EP400: variants seen among roughly 807,000 people sequenced by gnomAD.
EP400 encodes E1A-binding protein p400.
Under a neutral mutation model 354.1 loss-of-function variants are expected in EP400, and 105 were observed. The observed-to-expected ratio is 0.30, with a 90% CI of 0.25 to 0.35. EP400 has a LOEUF of 0.35. Among genes scored for constraint, EP400 ranks in the 10% least tolerant of loss-of-function variants. The pLI is 1.00. For synonymous variants in EP400, 1,646 were observed against 1,716.9 expected (o/e 0.96, Z 1.02); for missense variants, 3,280 against 4,121.0 (o/e 0.80, Z 5.59).
chr12:131,981,806 C>T (rs1011498982), intron 4 of EP400, among the ~76,000 whole-genome samples: 2 of 152,224 alleles, frequency 1.3e-5, no homozygotes, highest in African/African-American at 4.8e-5. Flanking sequence ...AGCCACACGT[C>T]GCATTGTCAT....
At chr12:131,984,433 G>T (rs1015579983) in intron 5 of EP400, among the ~76,000 whole-genome samples, 3 of 152,098 alleles carry the variant, frequency 2.0e-5, no homozygotes, top group Non-Finnish European at 4.4e-5. Context: ...CCAGCAACTG[G>T]GGGGGCTGTA....
chr12:132,071,285 C>T (rs114260137), intron 51 of EP400, among the ~76,000 whole-genome samples: 2,062 of 152,106 alleles, frequency 0.014, 53 homozygotes, highest in African/African-American at 0.047. Flanking sequence ...TGTCTCGGTG[C>T]GAATGATACC....
Position 131,994,627 on chromosome 12 carries a change from C to T in EP400, c.2738-240C>T, listed in dbSNP as rs1293856385. ...GGTTGACAGCATTCCGTATGTTGGCCTGAAGAAGGTCTGCCATGTGTGGAA... is the reference window on the plus strand; with the variant it reads ...GGTTGACAGCATTCCGTATGTTGGCTTGAAGAAGGTCTGCCATGTGTGGAA... On this transcript the variant is annotated intron_variant, in intron 11 of 52. Transcript: ENST00000389561. This position sits in a 1 kb window ranked among gnomAD's most constrained non-coding sequence, Gnocchi z 4.6. Among the ~76,000 whole-genome samples, 2 of 152,130 alleles carry T rather than the reference C, an allele frequency of 1.3e-5. No individual in the cohort carries two copies. Among genetic ancestry groups the T allele is most frequent in the African/African-American group, 4.8e-5 (2 of 41,432 alleles).
chr12:132,062,971 C>T (rs771946555), intron 47 of EP400, among the ~76,000 whole-genome samples: 5 of 152,316 alleles, frequency 3.3e-5, no homozygotes, highest in African/African-American at 1.2e-4. Flanking sequence ...CTTGCTTAGG[C>T]GTCTTGTGCC....
At chr12:132,043,511 T>G in intron 33 of EP400, 49 bp downstream of exon 33, 1 of 1,594,760 alleles carries the variant, frequency 6.3e-7, no homozygotes. Flanking sequence ...AATTTGACGC[T>G]TCTATAAAAT....
At position 132,013,749 on chromosome 12, in the gene EP400, GA is replaced by G; in HGVS notation, c.3787-24del. On this transcript the variant is annotated intron_variant, in intron 18 of 52. Transcript: ENST00000389561. The surrounding 1 kb of genome is among the most constrained non-coding windows in gnomAD (Gnocchi z 4.5). Reference sequence around the variant, plus strand: ...CGTGTTACAGCAGCATTTTTGGAAAGAAAACAGTAAACAGTTTTTATTTTCA... The same window carrying G: ...CGTGTTACAGCAGCATTTTTGGAAAGAAACAGTAAACAGTTTTTATTTTCA... The G allele has an allele frequency of 6.2e-7, 1 of 1,611,076 alleles. No individual in the cohort carries two copies. The highest frequency in any genetic ancestry group is 8.5e-7 in the Non-Finnish European group (1 of 1,178,706).
rs185510720 is a variant in EP400, at chr12:132,013,874, G to T, written c.3884G>T (p.Arg1295Leu). 1 of 1,614,192 alleles carries T rather than the reference G, an allele frequency of 6.2e-7. No individual in the cohort carries two copies. The highest frequency in any genetic ancestry group is 2.2e-5 in the East Asian group (1 of 44,886). The part of the protein sequence containing the change: ...EHVLKCRLSN[R>L]QKALYEDVIL... Reference sequence around the variant, plus strand: ...GTTTTGAAGTGTCGCCTTTCTAACCGACAAAAAGCCTTATACGAGGACGTT... The same window carrying T: ...GTTTTGAAGTGTCGCCTTTCTAACCTACAAAAAGCCTTATACGAGGACGTT... Residue 1295 changes from arginine to leucine, a missense_variant, in exon 19 of 53, where the codon CGA (arginine) becomes CTA (leucine). Physicochemically the swap from Arg to Leu is moderately radical, Grantham distance 102. Coordinates refer to ENST00000389561, the MANE Select transcript of EP400 (RefSeq NM_015409.5). The surrounding 1 kb of genome is among the most constrained non-coding windows in gnomAD (Gnocchi z 4.5).
chr12:132,053,244 C>T lies in EP400; in HGVS notation c.7473+20C>T, dbSNP rs1187230819. On this transcript the variant is annotated intron_variant, in intron 42 of 52. Coordinates refer to ENST00000389561, the MANE Select transcript of EP400 (RefSeq NM_015409.5). Reference sequence around the variant, plus strand: ...AAAAAGGTCAGCGCCCTGGGCCCTTCTGCTTGAGTGGGAAAATGTGGTGAC... The same window carrying T: ...AAAAAGGTCAGCGCCCTGGGCCCTTTTGCTTGAGTGGGAAAATGTGGTGAC... 2 of 1,612,938 alleles carry T rather than the reference C, an allele frequency of 1.2e-6. No homozygotes were observed. The highest frequency in any genetic ancestry group is 1.7e-6 in the Non-Finnish European group (2 of 1,179,958).
Position 132,053,350 on chromosome 12 carries a change from C to T in EP400, c.7481C>T (p.Ala2494Val), listed in dbSNP as rs754366046. 6.3e-7 allele frequency: 1 copy of T among 1,582,314 alleles called. No homozygotes were observed. The highest frequency in any genetic ancestry group is 1.7e-5 in the Admixed American group (1 of 58,612). ...ERIAKEKKAL[A>V]DQQKAQQPAV... ...TCCTTCCTGGCCCCTCAGGCTCTGG[C>T]TGATCAGCAGAAGGCACAGCAGCCG... is the stretch of plus-strand genomic sequence containing the variant. Residue 2494 changes from alanine (A) to valine (V), a missense_variant, in exon 43 of 53, where the codon GCT (alanine) becomes GTT (valine). Around this residue, in one of 20 missense-constraint regions of EP400, gnomAD observed 29 missense variants for 86.0 expected, o/e 0.34. Coordinates refer to ENST00000389561, the MANE Select transcript of EP400 (RefSeq NM_015409.5).
chr12:131,983,071 A>G (rs1892736851), intron 5 of EP400, among the ~76,000 whole-genome samples: 1 of 152,114 alleles, frequency 6.6e-6, no homozygotes, highest in Admixed American at 6.5e-5. Flanking sequence ...TGTGAAGGGC[A>G]TGGTGTCAGT....
In EP400 at chr12:131,982,400, G is replaced by C. The variant is rs201892255; in HGVS notation, c.1851G>C (p.Gln617His). The stretch of plus-strand genomic sequence containing the variant: ...GCCAACTCCCCATCCCTCCCTCGCA[G>C]CCTGCACAGCTGGCCCTCCACGTTC... ...PSSQLPIPPS[Q>H]PAQLALHVPT... is the part of the protein sequence containing the mutation. The change falls in exon 5 of 53, where the codon CAG becomes CAC. Residue 617 changes from glutamine to histidine, a missense_variant. Physicochemically the swap from Gln to His is conservative, Grantham distance 24. Around this residue, in one of 20 missense-constraint regions of EP400, gnomAD observed 800 missense variants for 840.0 expected, o/e 0.95. Coordinates refer to ENST00000389561, the MANE Select transcript of EP400 (RefSeq NM_015409.5). 6.2e-7 allele frequency: 1 copy of C among 1,614,126 alleles called. No individual in the cohort carries two copies. The highest frequency in any genetic ancestry group is 2.2e-5 in the East Asian group (1 of 44,868).
chr12:131,987,896 T>A lies in EP400; in HGVS notation c.2409+6T>A, dbSNP rs773802652. The A allele has an allele frequency of 3.8e-6, 6 of 1,599,958 alleles. No individual in the cohort carries two copies. The highest frequency in any genetic ancestry group is 5.1e-6 in the Non-Finnish European group (6 of 1,172,340). On this transcript the variant is annotated splice_donor_region_variant and intron_variant, in intron 7 of 52. Transcript: ENST00000389561. The stretch of plus-strand genomic sequence containing the variant: ...AGGTGGCTGCTGCGAAGAAGGTGGG[T>A]TGGAATGCGTGGAGCTGCTGTGCTG...
At position 132,028,297 on chromosome 12, in the gene EP400, G is replaced by C. The variant is rs375603340; in HGVS notation, c.5381+9G>C. 10 of 1,606,594 alleles carry C rather than the reference G, an allele frequency of 6.2e-6. No individual in the cohort carries two copies. The African/African-American group carries it at 1.3e-4, about 21-fold the overall frequency. On this transcript the variant is annotated intron_variant, in intron 27 of 52. Transcript: ENST00000389561. ...CAGGATGTTATTGACAGGTACTGCA[G>C]ACCTCGTGACCTTTTCGGTGCTCTC...
At chr12:132,002,055 G>A (rs1281400122) in intron 12 of EP400, among the ~76,000 whole-genome samples, 1 of 152,136 alleles carries the variant, frequency 6.6e-6, no homozygotes, top group Non-Finnish European at 1.5e-5. Flanking sequence ...GTTACTTTAG[G>A]CCTGACAGTG....
chr12:131,956,170 A>T (rs1054697765), intron 1 of EP400, among the ~76,000 whole-genome samples: 1 of 152,146 alleles, frequency 6.6e-6, no homozygotes, highest in African/African-American at 2.4e-5. Context: ...GTTACTTGGC[A>T]TCTTGCACCT....
At chr12:132,024,793 G>T (rs1435323521) in intron 24 of EP400, among the ~76,000 whole-genome samples, 1 of 150,424 alleles carries the variant, frequency 6.6e-6, no homozygotes, top group Non-Finnish European at 1.5e-5. Flanking sequence ...AGCCTCAGCG[G>T]CTGCCTCCCC....
intron 45 of EP400, among the ~76,000 whole-genome samples, chr12:132,059,203 G>A (rs1221315874): frequency 6.6e-6 from 1 of 152,164 alleles, no homozygotes; most frequent in Non-Finnish European, 1.5e-5. Flanking sequence ...GTCCAAGGCT[G>A]GGCCAAGGTG....
intron 15 of EP400, among the ~76,000 whole-genome samples, chr12:132,009,392 C>T (rs919049245): frequency 6.6e-6 from 1 of 152,104 alleles, no homozygotes; most frequent in Non-Finnish European, 1.5e-5. Context: ...TTCAGGAACC[C>T]CACACTGGTA....
At chr12:131,964,917 A>G (rs1277842311) in intron 2 of EP400, among the ~76,000 whole-genome samples, 2 of 152,194 alleles carry the variant, frequency 1.3e-5, no homozygotes, top group East Asian at 1.9e-4. Context: ...CTTTCCCCCT[A>G]GTCCAGTATC....
Sources: allele counts gnomAD v4.1 joint callset (sites outside exome capture counted in the v4.1 genomes callset), GRCh38; gene constraint gnomAD v4.1.1; regional missense constraint gnomAD v4.1.1; non-coding constraint Gnocchi (gnomAD v3.1); transcripts MANE v1.5; gene names NCBI Gene and HGNC (gene_info 2026-07-23, HGNC 2026-07-21).